Variants in TBCE observed in about 807,000 individuals in gnomAD.
TBCE encodes tubulin-specific chaperone E.
Under a neutral mutation model 77.0 loss-of-function variants are expected in TBCE, and 53 were observed. That is an observed-to-expected ratio of 0.69 (90% CI 0.55 to 0.87). The LOEUF (loss-of-function observed/expected upper bound fraction) is 0.87, where lower values mean the gene tolerates loss of function less well. Among genes scored for constraint, TBCE ranks in the 40% least tolerant of loss-of-function variants. TBCE has a pLI of 0.00. For synonymous variants in TBCE, 235 were observed against 241.3 expected, an observed-to-expected ratio of 0.97 and a Z score of 0.24; for missense variants, 624 against 622.4, an observed-to-expected ratio of 1.00 and a Z score of -0.03.
chr1:235,436,399 A>T lies in TBCE; in HGVS notation c.847A>T (p.Ile283Phe), dbSNP rs200022583. Residue 283 changes from isoleucine (I) to phenylalanine (F), a missense_variant, in exon 10 of 17, where the codon ATC becomes TTC. Physicochemically the swap from Ile to Phe is conservative, Grantham distance 21. Transcript: ENST00000642610. ...TTTGAATTTCAGGTTAGAACAATTAATCCTCTCTGACACTGGAATTTCTTC... is the reference window on the plus strand; with the variant it reads ...TTTGAATTTCAGGTTAGAACAATTATTCCTCTCTGACACTGGAATTTCTTC... Reference protein sequence around the residue: ...IAHLPRLEQLILSDTGISSLH... With the variant: ...IAHLPRLEQLFLSDTGISSLH... 1.7e-4 allele frequency: 275 copies of T among 1,613,816 alleles called. 1 individual carries two copies. Among genetic ancestry groups the T allele is most frequent in the Middle Eastern group, 3.3e-4 (2 of 6,084 alleles).
chr1:235,419,703 GC>G, intron 5 of TBCE, 142 bp downstream of exon 5: 1 of 1,186,224 alleles, frequency 8.4e-7, no homozygotes, highest in Non-Finnish European at 1.2e-6. Context: ...TGTAGTTGGG[GC>G]CCAGATAAAT....
chr1:235,395,905 A>G (rs527836796), intron 2 of TBCE, among the ~76,000 whole-genome samples: 2 of 152,130 alleles, frequency 1.3e-5, no homozygotes, highest in South Asian at 4.1e-4. Context: ...CCTGCAAGTA[A>G]GTGAGAACAT....
chr1:235,430,851 A>G, intron 7 of TBCE, 47 bp downstream of exon 7: 1 of 1,519,362 alleles, frequency 6.6e-7, no homozygotes, highest in Non-Finnish European at 9.1e-7. Context: ...GCAATTAAAA[A>G]TGTTTGGTTT....
chr1:235,413,134 T>A (rs1322027491), intron 3 of TBCE, among the ~76,000 whole-genome samples: 3 of 152,184 alleles, frequency 2.0e-5, no homozygotes, highest in Non-Finnish European at 4.4e-5. Flanking sequence ...AAGGTCTGAT[T>A]TCTTTCTTTA....
rs575068441 is a variant in TBCE at position 235,448,864 on chromosome 1, G to A, written c.*102G>A. ...CAATTCTACTGTCAAAACAAAGGGG[G>A]TTTACAACTTGTCCTAAGTATAACA... On this transcript the variant is annotated 3_prime_UTR_variant, in exon 17 of 17. Coordinates refer to ENST00000642610, the MANE Select transcript of TBCE (RefSeq NM_003193.5). The A allele has an allele frequency of 6.7e-6, 6 of 896,368 alleles. No homozygotes were observed. The highest frequency in any genetic ancestry group is 5.5e-5 in the South Asian group (4 of 72,858). 55.5% of individuals were successfully genotyped at this position (896,368 alleles called of 1,614,324 possible). A position where few individuals can be genotyped will look rare whatever the true frequency, so the allele number is the denominator to read the frequency against.
chr1:235,367,982 T>G (rs1676647501), intron 1 of TBCE, among the ~76,000 whole-genome samples: 1 of 152,144 alleles, frequency 6.6e-6, no homozygotes, highest in African/African-American at 2.4e-5. Flanking sequence ...CTCGGCTTAC[T>G]GCAACCTCCG....
intron 1 of TBCE, among the ~76,000 whole-genome samples, chr1:235,377,980 C>T (rs1677400365): frequency 6.6e-6 from 1 of 151,760 alleles, no homozygotes; most frequent in African/African-American, 2.4e-5. Flanking sequence ...TAAAAAAAAC[C>T]CATAAAGGTG....
At chr1:235,437,958 A>T (rs1293574539) in intron 12 of TBCE, among the ~76,000 whole-genome samples, 1 of 152,090 alleles carries the variant, frequency 6.6e-6, no homozygotes, top group East Asian at 1.9e-4. Flanking sequence ...CTCAGGAGAG[A>T]GTCCTCCACT....
intron 3 of TBCE, among the ~76,000 whole-genome samples, chr1:235,408,447 T>TA (rs1052588511): frequency 1.7e-4 from 26 of 151,974 alleles, no homozygotes; most frequent in Admixed American, 5.9e-4. Flanking sequence ...TTTTTTTTTT[T>TA]AATCAGGAAA....
chr1:235,381,415 T>A (rs1381862821), intron 2 of TBCE, among the ~76,000 whole-genome samples: 1 of 151,934 alleles, frequency 6.6e-6, no homozygotes, highest in African/African-American at 2.4e-5. Context: ...CCGGGCACGG[T>A]GGCTCACACC....
rs189585995 is a variant in TBCE at position 235,388,371 on chromosome 1, C to A, written c.100+8222C>A. 2.4e-3 allele frequency among the ~76,000 whole-genome samples: 356 copies of A among 150,622 alleles called. 1 individual carries two copies. Among genetic ancestry groups the A allele is most frequent in the Admixed American group, 4.9e-3 (73 of 15,036 alleles). On this transcript the variant is annotated intron_variant, in intron 2 of 16. Transcript: ENST00000642610. ...TGGCATGATCTTGGCTCACTGCAACCTCCGCCTCCCAGGTTCAAGTGATTC... is the reference window on the plus strand; with the variant it reads ...TGGCATGATCTTGGCTCACTGCAACATCCGCCTCCCAGGTTCAAGTGATTC...
Position 235,450,080 on chromosome 1 carries a change from A to C in TBCE, c.*1318A>C. 1 of 1,166,780 alleles carries C rather than the reference A, an allele frequency of 8.6e-7. No individual in the cohort carries two copies. Among genetic ancestry groups the C allele is most frequent in the Admixed American group, 2.1e-5 (1 of 47,692 alleles). The allele number at this position is 1,166,780 out of a possible 1,614,324, so 72.3% of individuals were successfully genotyped here. A position where few individuals can be genotyped will look rare whatever the true frequency, so the allele number is the denominator to read the frequency against. On this transcript the variant is annotated 3_prime_UTR_variant, in exon 17 of 17. Coordinates refer to ENST00000642610, the MANE Select transcript of TBCE (RefSeq NM_003193.5). ...GAAACACCGCATTGGTTCTGGGTGAAAGTGCCAGTCTGGAACTCTCTTGAA... is the reference window on the plus strand; with the variant it reads ...GAAACACCGCATTGGTTCTGGGTGACAGTGCCAGTCTGGAACTCTCTTGAA...
At chr1:235,379,858 A>G (rs945142155) in intron 1 of TBCE, among the ~76,000 whole-genome samples, 161 bp from the exon 2 acceptor site, 2 of 150,750 alleles carry the variant, frequency 1.3e-5, no homozygotes, top group African/African-American at 2.4e-5. Context: ...CTGAGGCACA[A>G]GAACCCTTGA....
intron 11 of TBCE, 77 bp from the exon 12 acceptor site, chr1:235,437,245 C>T: frequency 3.2e-6 from 5 of 1,584,078 alleles, no homozygotes; most frequent in Non-Finnish European, 4.3e-6. Context: ...GACATGCTTT[C>T]CTGTTGCTGG....
chr1:235,377,273 G>A lies in TBCE; in HGVS notation c.-31-2746G>A, dbSNP rs531863159. Among the ~76,000 whole-genome samples the A allele has an allele frequency of 3.3e-5, 5 of 152,278 alleles. No individual in the cohort carries two copies. The South Asian group carries it at 8.3e-4, about 25-fold the overall frequency. On this transcript the variant is annotated intron_variant, in intron 1 of 16. Transcript: ENST00000642610. ...TGGCTCACTGCAACCTCTGCCTCCC[G>A]CATTCAAGTGATTCTCCTGCCTCAG...
chr1:235,373,333 C>T (rs1000658605), intron 1 of TBCE, among the ~76,000 whole-genome samples: 5 of 151,918 alleles, frequency 3.3e-5, no homozygotes, highest in African/African-American at 1.2e-4. Flanking sequence ...ATTTTATGAT[C>T]GGAAGATGGT....
chr1:235,422,824 C>T (rs537702516), intron 5 of TBCE, among the ~76,000 whole-genome samples: 6 of 152,174 alleles, frequency 3.9e-5, no homozygotes, highest in East Asian at 3.9e-4. Flanking sequence ...AGCGAGACTC[C>T]GTCTCAAAAA....
chr1:235,438,507 C>T (rs1284768965), intron 12 of TBCE, among the ~76,000 whole-genome samples: 1 of 150,200 alleles, frequency 6.7e-6, no homozygotes, highest in African/African-American at 2.5e-5. Flanking sequence ...GAGATCATGC[C>T]ACTGCACTCT....
At chr1:235,441,691 C>T in intron 13 of TBCE, 123 bp from the exon 14 acceptor site, 1 of 828,124 alleles carries the variant, frequency 1.2e-6, no homozygotes, top group Middle Eastern at 2.2e-4. Context: ...AAGGCAGCTC[C>T]ATGTGTCCTG....
Sources: gnomAD v4.1 joint callset for allele counts (sites outside exome capture counted in the v4.1 genomes callset) on GRCh38, gnomAD v4.1.1 for gene constraint, MANE v1.5 for transcripts, NCBI Gene and HGNC (gene_info 2026-07-23, HGNC 2026-07-21) for gene names.